The following NR6A1 variants were observed in gnomAD, a reference collection of about 807,000 sequenced individuals.
NR6A1 encodes the protein retinoic acid receptor-related testis-associated receptor.
NR6A1 carries 7 observed loss-of-function variants against 59.1 expected under a neutral mutation model. That is an observed-to-expected ratio of 0.12 (90% CI 0.07 to 0.22). The LOEUF (loss-of-function observed/expected upper bound fraction) is 0.22, where lower values mean the gene tolerates loss of function less well. NR6A1 is among the 10% of genes least tolerant of loss of function. The probability of loss-of-function intolerance (pLI) is 1.00; values close to 1 mark genes in which losing one functional copy is unlikely to be tolerated. For synonymous variants in NR6A1, 243 were observed against 236.1 expected (o/e 1.03, Z -0.27); for missense variants, 468 against 611.6 (o/e 0.77, Z 2.48).
At chr9:124,580,470 T>C (rs1384869955) in intron 2 of NR6A1, among the ~76,000 whole-genome samples, 1 of 152,086 alleles carries the variant, frequency 6.6e-6, no homozygotes, top group African/African-American at 2.4e-5. Flanking sequence ...GAAAATACTA[T>C]TTTAAAATTC....
At chr9:124,550,988 C>T (rs1833762694) in intron 3 of NR6A1, among the ~76,000 whole-genome samples, 1 of 152,204 alleles carries the variant, frequency 6.6e-6, no homozygotes, top group African/African-American at 2.4e-5. Context: ...AGTTGTTCCA[C>T]CGTTGGCCAT....
At chr9:124,563,303 T>C (rs1224606348) in intron 2 of NR6A1, among the ~76,000 whole-genome samples, 6 of 152,156 alleles carry the variant, frequency 3.9e-5, no homozygotes, top group African/African-American at 1.4e-4. Context: ...TTAAAGTGTG[T>C]GCATTTGTGT....
chr9:124,726,849 C>T (rs549677671), intron 2 of NR6A1, among the ~76,000 whole-genome samples: 17 of 152,198 alleles, frequency 1.1e-4, no homozygotes, highest in Non-Finnish European at 2.5e-4. Context: ...AACACACCAA[C>T]AAGTGTTAAA....
chr9:124,657,089 G>GA (rs148957446), intron 2 of NR6A1, among the ~76,000 whole-genome samples: 2,456 of 148,690 alleles, frequency 0.017, 78 homozygotes, highest in East Asian at 0.15. Flanking sequence ...CCACAACTTA[G>GA]AAAAAAAAAA....
rs781113152 is a variant in NR6A1, at chr9:124,520,672, C to T, written c.*2033G>A. The T allele has an allele frequency of 5.9e-5, 9 of 152,170 alleles. No individual in the cohort carries two copies. The highest frequency in any genetic ancestry group is 1.3e-4 in the Non-Finnish European group (9 of 68,042). The allele number at this position is 152,170 out of a possible 1,614,324, so 9.4% of individuals were successfully genotyped here. On this transcript the variant is annotated 3_prime_UTR_variant, in exon 10 of 10. Transcript: ENST00000487099. ...GCATCTGTGATATGTGTCTCCTTCC[C>T]GATCTGGAGGAAAGCAGCTCAGAGT...
Position 124,704,606 on chromosome 9 carries a change from G to A in NR6A1, c.142+28702C>T, listed in dbSNP as rs574712409. Among the ~76,000 whole-genome samples the A allele has an allele frequency of 5.9e-4, 90 of 152,260 alleles. 1 individual carries two copies. In the South Asian group the frequency reaches 0.018, roughly 30 times the overall value. On this transcript the variant is annotated intron_variant, in intron 2 of 9. Coordinates refer to ENST00000487099, the MANE Select transcript of NR6A1 (RefSeq NM_033334.4). ...TTTTATCTAGTTTCTTACAATGGAC[G>A]CTTACGTTAGTGCTTTAAGCCTCTC...
intron 2 of NR6A1, among the ~76,000 whole-genome samples, chr9:124,697,032 G>C (rs149779785): frequency 9.5e-4 from 144 of 152,218 alleles, no homozygotes; most frequent in Non-Finnish European, 1.4e-3. Flanking sequence ...CCAAAGAACT[G>C]GCTCAAACAG....
In NR6A1 at chr9:124,536,113, C is replaced by T; in HGVS notation, c.844G>A (p.Glu282Lys). 6.2e-7 allele frequency: 1 copy of T among 1,613,464 alleles called. No individual in the cohort carries two copies. Among genetic ancestry groups the T allele is most frequent in the Non-Finnish European group, 8.5e-7 (1 of 1,179,572 alleles). The part of the protein sequence containing the change: ...IEDGYAVTQA[E>K]LFALLCRLAD... ...AGGCGGCAAAGCAGGGCAAATAGTT[C>T]TGCCTGTGTCACAGCGTATCTGAGG... The change falls in exon 7 of 10, where the codon GAA (glutamate) becomes AAA (lysine). Residue 282 changes from glutamate to lysine, a missense_variant. By Grantham distance (56) the Glu-to-Lys change is moderately conservative. Transcript: ENST00000487099.
intron 2 of NR6A1, among the ~76,000 whole-genome samples, chr9:124,588,330 T>G (rs913297743): frequency 6.6e-6 from 1 of 151,902 alleles, no homozygotes; most frequent in Non-Finnish European, 1.5e-5. Context: ...TTTTTCATGA[T>G]GGAGTCTCAC....
At chr9:124,635,749 C>T (rs1836591775) in intron 2 of NR6A1, among the ~76,000 whole-genome samples, 1 of 152,320 alleles carries the variant, frequency 6.6e-6, no homozygotes, top group South Asian at 2.1e-4. Flanking sequence ...GGATATGCCA[C>T]TGTTATCTAC....
chr9:124,535,738 C>A, intron 7 of NR6A1, 140 bp downstream of exon 7: 7 of 1,081,338 alleles, frequency 6.5e-6, no homozygotes, highest in South Asian at 4.5e-5. Flanking sequence ...GGTCACAAAT[C>A]TAGTCAGTGG....
chr9:124,723,883 CAG>C lies in NR6A1; in HGVS notation c.142+9423_142+9424del, dbSNP rs577856010. 1.2e-3 allele frequency among the ~76,000 whole-genome samples: 178 copies of C among 152,204 alleles called. 1 individual carries two copies. Among genetic ancestry groups the C allele is most frequent in the African/African-American group, 4.0e-3 (168 of 41,534 alleles). ...AAGTTGAATCCAAGCAATCTTGAGC[CAG>C]AGTCTATGTTCTTAATTATAAGAGC... On this transcript the variant is annotated intron_variant, in intron 2 of 9. Transcript: ENST00000487099.
intron 2 of NR6A1, among the ~76,000 whole-genome samples, chr9:124,613,609 C>A (rs973502302): frequency 6.6e-6 from 1 of 152,080 alleles, no homozygotes; most frequent in African/African-American, 2.4e-5. Flanking sequence ...TGCACTGAGG[C>A]GTGAGCAAGC....
At chr9:124,661,892 T>TA (rs368285190) in intron 2 of NR6A1, among the ~76,000 whole-genome samples, 55 of 152,316 alleles carry the variant, frequency 3.6e-4, no homozygotes, top group African/African-American at 1.3e-3. Context: ...AGCCCAGATA[T>TA]AAGACATTTC....
At chr9:124,748,306 C>T (rs1184871182) in intron 1 of NR6A1, among the ~76,000 whole-genome samples, 2 of 152,048 alleles carry the variant, frequency 1.3e-5, no homozygotes, top group African/African-American at 4.8e-5. Context: ...TCAAAAGTTG[C>T]AGTTGTGTAT....
intron 2 of NR6A1, among the ~76,000 whole-genome samples, chr9:124,672,304 G>A (rs1366748810): frequency 6.6e-6 from 1 of 152,064 alleles, no homozygotes; most frequent in East Asian, 1.9e-4. Context: ...ATGCATTTTT[G>A]TTGGGTATAT....
chr9:124,749,423 C>T (rs1840432657), intron 1 of NR6A1, among the ~76,000 whole-genome samples: 1 of 152,124 alleles, frequency 6.6e-6, no homozygotes, highest in African/African-American at 2.4e-5. Flanking sequence ...GGAATAGGAC[C>T]TTTTACTAAG....
chr9:124,746,765 CT>C (rs569059775), intron 1 of NR6A1, among the ~76,000 whole-genome samples: 1 of 152,116 alleles, frequency 6.6e-6, no homozygotes, highest in African/African-American at 2.4e-5. Flanking sequence ...AGATGCTAAA[CT>C]TTCCTATATT....
intron 3 of NR6A1, among the ~76,000 whole-genome samples, chr9:124,552,077 T>G (rs1833794024): frequency 6.6e-6 from 1 of 152,212 alleles, no homozygotes; most frequent in South Asian, 2.1e-4. Context: ...AAGTTTCTTC[T>G]TCCCTAAAAC....
Sources: allele counts gnomAD v4.1 joint callset (sites outside exome capture counted in the v4.1 genomes callset), GRCh38; gene constraint gnomAD v4.1.1; transcripts MANE v1.5; gene names NCBI Gene and HGNC (gene_info 2026-07-23, HGNC 2026-07-21).